Variants in SFMBT2 observed in about 807,000 individuals in gnomAD.
SFMBT2 encodes the protein scm-like with four MBT domains protein 2.
Under a neutral mutation model 110.1 loss-of-function variants are expected in SFMBT2, and 38 were observed. The ratio of observed to expected loss-of-function variants is 0.35; its 90% CI spans 0.27 to 0.45. The LOEUF (loss-of-function observed/expected upper bound fraction) is 0.45. SFMBT2 is among the 20% of genes least tolerant of loss of function. The pLI is 1.00. For synonymous variants in SFMBT2, 425 were observed against 425.4 expected, an observed-to-expected ratio of 1.00 and a Z score of 0.01; for missense variants, 1,011 against 1,094.9, an observed-to-expected ratio of 0.92 and a Z score of 1.08.
In SFMBT2 at chr10:7,161,118, C is replaced by T. The variant is rs1477972607; in HGVS notation, c.*2652G>A. The T allele has an allele frequency of 1.3e-5, 2 of 152,262 alleles. No individual in the cohort carries two copies. The highest frequency in any genetic ancestry group is 2.4e-5 in the African/African-American group (1 of 41,454). 9.4% of individuals were successfully genotyped at this position (152,262 alleles called of 1,614,324 possible). The stretch of plus-strand genomic sequence containing the variant: ...TGAAGGATACGGAGAGTCTTGGGCG[C>T]TTGGCTCCACGGGAAGCAAACACTT... On this transcript the variant is annotated 3_prime_UTR_variant, in exon 21 of 21. Transcript: ENST00000397167.
At chr10:7,244,628 T>C (rs1427124689) in intron 8 of SFMBT2, among the ~76,000 whole-genome samples, 4 of 152,160 alleles carry the variant, frequency 2.6e-5, no homozygotes, top group African/African-American at 9.7e-5. Context: ...AAAAGCAAGA[T>C]GGATTTAAGT....
At chr10:7,257,031 AC>A (rs1336039575) in intron 7 of SFMBT2, among the ~76,000 whole-genome samples, 3 of 144,642 alleles carry the variant, frequency 2.1e-5, no homozygotes, top group African/African-American at 7.7e-5. Context: ...GGCAGAAGTT[AC>A]AGTGAGCAGA....
chr10:7,211,734 C>A (rs1310463804), intron 11 of SFMBT2, among the ~76,000 whole-genome samples: 1 of 152,178 alleles, frequency 6.6e-6, no homozygotes, highest in Non-Finnish European at 1.5e-5. Flanking sequence ...AACCACCCAC[C>A]CTGGCTTGAA....
chr10:7,315,096 G>GAAAGAAAGA (rs1842968937), intron 4 of SFMBT2, among the ~76,000 whole-genome samples: 1 of 144,928 alleles, frequency 6.9e-6, no homozygotes, highest in African/African-American at 2.5e-5. Context: ...AAGAAAGAAA[G>GAAAGAAAGA]AAAGAAAGAA....
intron 15 of SFMBT2, among the ~76,000 whole-genome samples, chr10:7,191,275 G>A (rs1442172310): frequency 6.6e-6 from 1 of 152,168 alleles, no homozygotes; most frequent in Non-Finnish European, 1.5e-5. Flanking sequence ...ATCCAATGGG[G>A]CTTTTCTGTG....
chr10:7,246,986 CA>C (rs1166201078), intron 8 of SFMBT2, among the ~76,000 whole-genome samples: 8 of 152,254 alleles, frequency 5.3e-5, no homozygotes, highest in Non-Finnish European at 1.0e-4. Context: ...CTCCAAAGGC[CA>C]TTTCAAATAA....
At chr10:7,321,346 C>T (rs182885747) in intron 4 of SFMBT2, among the ~76,000 whole-genome samples, 16 of 152,156 alleles carry the variant, frequency 1.1e-4, no homozygotes, top group Admixed American at 6.5e-4. Context: ...GGACTACAGG[C>T]GCCCGCCAAC....
Position 7,202,496 on chromosome 10 carries a change from C to G in SFMBT2, c.1471G>C (p.Val491Leu), listed in dbSNP as rs138486122. Residue 491 changes from valine to leucine, a missense_variant, in exon 13 of 21, where the codon GTG (valine) becomes CTG (leucine). By Grantham distance (32) the Val-to-Leu change is conservative. Around this residue, in one of 2 missense-constraint regions of SFMBT2, gnomAD observed 979 missense variants for 1,016.1 expected, o/e 0.96. Transcript: ENST00000397167. Reference sequence around the variant, plus strand: ...AGCACGTACTGTTTCTCTGGTTGCACGACTGCAATCTTTCTCTTCTTTTGT... The same window carrying G: ...AGCACGTACTGTTTCTCTGGTTGCAGGACTGCAATCTTTCTCTTCTTTTGT... ...VSQKKRKIAVVQPEKQLPPTV... is the reference protein window; with the variant it reads ...VSQKKRKIAVLQPEKQLPPTV... 1.2e-6 allele frequency: 2 copies of G among 1,614,114 alleles called. No homozygotes were observed. The highest frequency in any genetic ancestry group is 1.7e-6 in the Non-Finnish European group (2 of 1,180,016).
At position 7,293,101 on chromosome 10, in the gene SFMBT2, T is replaced by G. The variant is rs1842308283; in HGVS notation, c.437-7147A>C. 6.6e-6 allele frequency among the ~76,000 whole-genome samples: 1 copy of G among 152,166 alleles called. No homozygotes were observed. Among genetic ancestry groups the G allele is most frequent in the Non-Finnish European group, 1.5e-5 (1 of 68,024 alleles). ...GAAAGGAGTCTCACTCTGTCTGGAA[T>G]GCAGTGGCGCGATCTCGACTCACTG... On this transcript the variant is annotated intron_variant, in intron 4 of 20. Transcript: ENST00000397167. The surrounding 1 kb of genome is among the most constrained non-coding windows in gnomAD (Gnocchi z 4.6).
At chr10:7,241,637 T>A (rs192309652) in intron 9 of SFMBT2, among the ~76,000 whole-genome samples, 2 of 152,324 alleles carry the variant, frequency 1.3e-5, no homozygotes, top group African/African-American at 4.8e-5. Context: ...CTTTGTACAG[T>A]CCTTTCATTG....
intron 16 of SFMBT2, among the ~76,000 whole-genome samples, chr10:7,178,577 C>A (rs2131548200): frequency 6.6e-6 from 1 of 152,252 alleles, no homozygotes; most frequent in Middle Eastern, 3.4e-3. Context: ...CACACCCACC[C>A]ACACAACAAA....
chr10:7,220,205 C>T (rs1469423646), intron 11 of SFMBT2, among the ~76,000 whole-genome samples: 1 of 152,160 alleles, frequency 6.6e-6, no homozygotes, highest in South Asian at 2.1e-4. Context: ...CATCTCATTG[C>T]ATGAAATTAT....
intron 20 of SFMBT2, chr10:7,164,350 C>T (rs147172088): frequency 1.1e-6 from 1 of 878,558 alleles, no homozygotes; most frequent in East Asian, 1.2e-4. Context: ...CATACCACTG[C>T]CCTCCAGCCT....
Position 7,276,981 on chromosome 10 carries a change from G to C in SFMBT2, c.781C>G (p.Pro261Ala), listed in dbSNP as rs776724615. Reference protein sequence around the residue: ...YRMDPPSEIYPLKMASEWKCT... With the variant: ...YRMDPPSEIYALKMASEWKCT... The stretch of plus-strand genomic sequence containing the variant: ...TTCCATTCAGAGGCCATCTTCAAAG[G>C]ATAGATTTCTGTATCAACAGCAAAT... The change falls in exon 7 of 21, where the codon CCT (proline) becomes GCT (alanine). Residue 261 changes from proline to alanine, a missense_variant. Physicochemically the swap from Pro to Ala is conservative, Grantham distance 27. This residue lies in a region of SFMBT2 where 979 missense variants were observed against 1,016.1 expected (regional missense o/e 0.96). Transcript: ENST00000397167. 1.1e-6 allele frequency: 1 copy of C among 872,270 alleles called. No individual in the cohort carries two copies. The highest frequency in any genetic ancestry group is 2.0e-6 in the Non-Finnish European group (1 of 501,230). 54.0% of individuals were successfully genotyped at this position (872,270 alleles called of 1,614,324 possible). A position where few individuals can be genotyped will look rare whatever the true frequency, so the allele number is the denominator to read the frequency against.
chr10:7,214,590 T>C (rs1279312689), intron 11 of SFMBT2: 1 of 985,486 alleles, frequency 1.0e-6, no homozygotes, highest in Non-Finnish European at 1.2e-6. Flanking sequence ...ATACTGCTCC[T>C]CAAACACACT....
intron 4 of SFMBT2, among the ~76,000 whole-genome samples, chr10:7,353,905 G>A (rs2132018840): frequency 6.6e-6 from 1 of 152,134 alleles, no homozygotes; most frequent in Middle Eastern, 3.4e-3. Flanking sequence ...GTGCAACATA[G>A]TGAAACCCTT....
In SFMBT2 at chr10:7,171,162, C is replaced by T; in HGVS notation, c.2416-106G>A. ...CGTTCCTGGCCGGAAGCCACTGCCT[C>T]CCTTTGCTCCCTCACTGGGCACCTG... is the stretch of plus-strand genomic sequence containing the variant. On this transcript the variant is annotated intron_variant, in intron 19 of 20. Transcript: ENST00000397167. This position sits in a 1 kb window ranked among gnomAD's most constrained non-coding sequence, Gnocchi z 4.9. 6.4e-7 allele frequency: 1 copy of T among 1,562,244 alleles called. No individual in the cohort carries two copies. The highest frequency in any genetic ancestry group is 8.7e-7 in the Non-Finnish European group (1 of 1,148,166).
At chr10:7,249,292 C>T (rs981680327) in intron 7 of SFMBT2, among the ~76,000 whole-genome samples, 17 of 152,206 alleles carry the variant, frequency 1.1e-4, no homozygotes, top group African/African-American at 4.1e-4. Flanking sequence ...AGTTTTATAA[C>T]CTGCTTACAG....
rs377470464 is a variant in SFMBT2 at position 7,381,961 on chromosome 10, C to CAAA, written c.-51-15_-51-13dup. ...GCAGAAAAAATTACCTAAGAGCAAT[C>CAAA]AAAAAAAAAAAAATCAGAGCAGTTT... On this transcript the variant is annotated splice_polypyrimidine_tract_variant and intron_variant, in intron 1 of 20. Coordinates refer to ENST00000397167, the MANE Select transcript of SFMBT2 (RefSeq NM_001387889.1). 3.0e-5 allele frequency: 31 copies of CAAA among 1,030,720 alleles called. No homozygotes were observed. The highest frequency in any genetic ancestry group is 8.7e-5 in the African/African-American group (5 of 57,428). The allele number at this position is 1,030,720 out of a possible 1,614,324, so 63.8% of individuals were successfully genotyped here. A position where few individuals can be genotyped will look rare whatever the true frequency, so the allele number is the denominator to read the frequency against.
Sources: allele counts gnomAD v4.1 joint callset (sites outside exome capture counted in the v4.1 genomes callset), GRCh38; gene constraint gnomAD v4.1.1; regional missense constraint gnomAD v4.1.1; non-coding constraint Gnocchi (gnomAD v3.1); transcripts MANE v1.5; gene names NCBI Gene and HGNC (gene_info 2026-07-23, HGNC 2026-07-21).